COLGALT1: variants seen among roughly 807,000 people sequenced by gnomAD.
The protein encoded by COLGALT1 is procollagen galactosyltransferase 1.
COLGALT1 carries 43 observed loss-of-function variants against 60.8 expected under a neutral mutation model. That is an observed-to-expected ratio of 0.71 (90% CI 0.55 to 0.91). The LOEUF (loss-of-function observed/expected upper bound fraction) is 0.91. Ranked by LOEUF, COLGALT1 falls within the 40% of genes least tolerant of loss-of-function variation. COLGALT1 has a pLI of 0.00. For synonymous variants in COLGALT1, 369 were observed against 374.2 expected (o/e 0.99, Z 0.16); for missense variants, 845 against 880.0 (o/e 0.96, Z 0.50).
Position 17,581,472 on chromosome 19 carries a change from C to A in COLGALT1, c.*28C>A. The A allele has an allele frequency of 6.3e-7, 1 of 1,590,874 alleles. No individual in the cohort carries two copies. Among genetic ancestry groups the A allele is most frequent in the South Asian group, 1.1e-5 (1 of 89,298 alleles). ...GGTAGCAGCCAGAAAGCCAAAGCAG[C>A]CATCGGTGGCCCAGGCTCCACGTGC... On this transcript the variant is annotated 3_prime_UTR_variant, in exon 12 of 12. Transcript: ENST00000252599.
intron 5 of COLGALT1, among the ~76,000 whole-genome samples, chr19:17,570,051 G>A (rs1285976237): frequency 6.6e-6 from 1 of 151,704 alleles, no homozygotes; most frequent in East Asian, 1.9e-4. Context: ...CCAGCCACCA[G>A]GCCCGGCTAA....
intron 10 of COLGALT1, 142 bp from the exon 11 acceptor site, chr19:17,580,557 C>A (rs910285650): frequency 1.4e-5 from 11 of 774,904 alleles, no homozygotes; most frequent in Non-Finnish European, 2.3e-5. Context: ...CCTGCATTCA[C>A]TCCATCCAGT....
At chr19:17,556,059 GC>G in intron 1 of COLGALT1, 86 bp downstream of exon 1, 16 of 1,241,514 alleles carry the variant, frequency 1.3e-5, no homozygotes, top group African/African-American at 1.6e-5. Flanking sequence ...GCGAGCCCCT[GC>G]CCGCTGTCCT....
intron 4 of COLGALT1, among the ~76,000 whole-genome samples, chr19:17,567,954 C>T (rs2076289443): frequency 6.6e-6 from 1 of 151,820 alleles, no homozygotes; most frequent in Non-Finnish European, 1.5e-5. Context: ...GTCTCAAAAA[C>T]AAAACAAAAC....
rs938614876 is a variant in COLGALT1 at position 17,555,676 on chromosome 19, T to C, written c.-38T>C. ...CCCCTTTAAGGCGCGGCCAGAGTCC[T>C]CCCGCAGAAAAACGACTTAAAGGAG... On this transcript the variant is annotated 5_prime_UTR_variant, in exon 1 of 12. Transcript: ENST00000252599. 2.4e-5 allele frequency: 28 copies of C among 1,176,144 alleles called. No individual in the cohort carries two copies. The African/African-American group carries it at 4.0e-4, about 17-fold the overall frequency. 72.9% of individuals were successfully genotyped at this position (1,176,144 alleles called of 1,614,324 possible). A position where few individuals can be genotyped will look rare whatever the true frequency, so the allele number is the denominator to read the frequency against.
In COLGALT1 at chr19:17,580,185, C is replaced by G. The variant is rs969100470; in HGVS notation, c.1395-514C>G. On this transcript the variant is annotated intron_variant, in intron 10 of 11. Transcript: ENST00000252599. ...CCAGGGCGCCTGGTCTTAGACAAGC[C>G]CCTGGATGGGAGTGCCACCAACATG... 3 of 198,650 alleles carry G rather than the reference C, an allele frequency of 1.5e-5. No individual in the cohort carries two copies. The Admixed American group carries it at 1.6e-4, about 11-fold the overall frequency. The allele number at this position is 198,650 out of a possible 1,614,324, so 12.3% of individuals were successfully genotyped here. A position where few individuals can be genotyped will look rare whatever the true frequency, so the allele number is the denominator to read the frequency against.
In COLGALT1 at chr19:17,579,487, G is replaced by A. The variant is rs2076365197; in HGVS notation, c.1272G>A (p.Val424=). ...GGCGGGGCTTCCTCCCTCAGGTGGT[G>A]GACCGGGGGCTGCAGAAATCGCTTG... ...LSHYNIWKEV[V]DRGLQKSLVF... is the part of the protein sequence containing the mutation. The change falls in exon 10 of 12, where the codon GTG becomes GTA. Residue 424 remains valine, a synonymous_variant. Transcript: ENST00000252599. 6.2e-7 allele frequency: 1 copy of A among 1,614,092 alleles called. No individual in the cohort carries two copies. Among genetic ancestry groups the A allele is most frequent in the African/African-American group, 1.3e-5 (1 of 75,024 alleles).
intron 5 of COLGALT1, among the ~76,000 whole-genome samples, chr19:17,569,886 A>G (rs1392332638): frequency 9.3e-6 from 1 of 107,244 alleles, no homozygotes; most frequent in African/African-American, 3.7e-5. Flanking sequence ...CTGGCCCACT[A>G]ATTACTTTTT....
At chr19:17,556,335 C>T (rs553539547) in intron 1 of COLGALT1, among the ~76,000 whole-genome samples, 1 of 152,230 alleles carries the variant, frequency 6.6e-6, no homozygotes, top group Non-Finnish European at 1.5e-5. Context: ...CTCTAACTCC[C>T]TCTGGGGCAC....
chr19:17,561,631 C>CAAAAAAAAAAAAAAAAAAA (rs11332403), intron 3 of COLGALT1, among the ~76,000 whole-genome samples: 1 of 72,732 alleles, frequency 1.4e-5, no homozygotes, highest in African/African-American at 5.9e-5. Flanking sequence ...GACTCTGTCT[C>CAAAAAAAAAAAAAAAAAAA]AAAAAAAAAA....
intron 2 of COLGALT1, among the ~76,000 whole-genome samples, chr19:17,560,093 C>T (rs757218070): frequency 1.4e-4 from 22 of 152,182 alleles, no homozygotes; most frequent in Non-Finnish European, 2.8e-4. Context: ...CTGGACCCCA[C>T]TGAGCTTCCT....
chr19:17,565,480 T>A (rs1599782237), intron 3 of COLGALT1, among the ~76,000 whole-genome samples: 1 of 152,086 alleles, frequency 6.6e-6, no homozygotes, highest in Non-Finnish European at 1.5e-5. Flanking sequence ...CTGTTGGGAT[T>A]CTGACATGAA....
At chr19:17,560,068 G>C (rs141878572) in intron 2 of COLGALT1, among the ~76,000 whole-genome samples, 37 of 152,274 alleles carry the variant, frequency 2.4e-4, no homozygotes, top group African/African-American at 8.4e-4. Flanking sequence ...GGGATCGCAG[G>C]CGTGGGCCAC....
intron 3 of COLGALT1, among the ~76,000 whole-genome samples, chr19:17,563,132 A>C (rs965456760): frequency 1.3e-5 from 2 of 151,224 alleles, no homozygotes; most frequent in African/African-American, 4.9e-5. Context: ...TGGAACTCAA[A>C]GTGCTGGTTC....
chr19:17,573,252 G>A (rs1467266793), intron 6 of COLGALT1, among the ~76,000 whole-genome samples: 1 of 152,056 alleles, frequency 6.6e-6, no homozygotes, highest in Non-Finnish European at 1.5e-5. Context: ...TTTTGGCCGG[G>A]TGCGGTGGCT....
intron 5 of COLGALT1, 138 bp from the exon 6 acceptor site, chr19:17,572,344 CT>C: frequency 2.5e-6 from 3 of 1,220,014 alleles, no homozygotes; most frequent in Middle Eastern, 2.1e-4. Flanking sequence ...AGGTCTTGCT[CT>C]GTTGCCCAGG....
rs540833061 is a variant in COLGALT1, at chr19:17,576,911, G to C, written c.950-284G>C. ...GTCCAGGGTTGAGTAGCGGGGCCTT[G>C]GGCGCGGTGAAGCTGGGGCCTGGGG... On this transcript the variant is annotated intron_variant, in intron 6 of 11. Coordinates refer to ENST00000252599, the MANE Select transcript of COLGALT1 (RefSeq NM_024656.4). Among the ~76,000 whole-genome samples, 180 of 149,190 alleles carry C rather than the reference G, an allele frequency of 1.2e-3. 2 individuals are homozygous for C. The highest frequency in any genetic ancestry group is 2.3e-3 in the South Asian group (11 of 4,714).
intron 6 of COLGALT1, among the ~76,000 whole-genome samples, chr19:17,574,290 C>T (rs1379642624): frequency 6.6e-6 from 1 of 151,550 alleles, no homozygotes; most frequent in Non-Finnish European, 1.5e-5. Context: ...CCCCTGGTGG[C>T]TCAAGATGGA....
intron 1 of COLGALT1, 146 bp downstream of exon 1, chr19:17,556,119 C>G (rs2076209514): frequency 2.1e-6 from 2 of 941,896 alleles, no homozygotes; most frequent in South Asian, 8.1e-5. Context: ...CCCATCGGGA[C>G]GGTTCTACGC....
Sources: gnomAD v4.1 joint callset for allele counts (sites outside exome capture counted in the v4.1 genomes callset) on GRCh38, gnomAD v4.1.1 for gene constraint, MANE v1.5 for transcripts, NCBI Gene and HGNC (gene_info 2026-07-23, HGNC 2026-07-21) for gene names.